The following RBMS1 variants were observed in gnomAD, a reference collection of about 807,000 sequenced individuals.
The protein encoded by RBMS1 is RNA binding motif single stranded interacting protein 1.
Under a neutral mutation model 62.3 loss-of-function variants are expected in RBMS1, and 17 were observed. The ratio of observed to expected loss-of-function variants is 0.27; its 90% CI spans 0.19 to 0.41. The LOEUF (loss-of-function observed/expected upper bound fraction) is 0.41, where lower values mean the gene tolerates loss of function less well. Among genes scored for constraint, RBMS1 ranks in the 10% least tolerant of loss-of-function variants. RBMS1 has a pLI of 1.00. For missense variants in RBMS1, 334 were observed against 504.5 expected (o/e 0.66, Z 3.24); for synonymous variants, 172 against 170.0 (o/e 1.01, Z -0.09).
intron 2 of RBMS1, among the ~76,000 whole-genome samples, chr2:160,356,663 A>C (rs1423465827): frequency 6.6e-6 from 1 of 152,158 alleles, no homozygotes; most frequent in Non-Finnish European, 1.5e-5. Context: ...ATGAAGCAGC[A>C]AGAAGGCCCT....
chr2:160,474,963 TG>T (rs1238006630), intron 1 of RBMS1, among the ~76,000 whole-genome samples: 1 of 152,228 alleles, frequency 6.6e-6, no homozygotes, highest in Non-Finnish European at 1.5e-5. Flanking sequence ...TTCAAGTGAT[TG>T]TTTTTTTCAG....
In RBMS1 at chr2:160,452,759, C is replaced by G. The variant is rs548711269; in HGVS notation, c.75+40530G>C. ...CTGGAGGGTATAGCAGAGAACAAGA[C>G]AGACGTACTACCTGCTCTCACAGGG... is the stretch of plus-strand genomic sequence containing the variant. On this transcript the variant is annotated intron_variant, in intron 1 of 13. Transcript: ENST00000348849. 2.6e-4 allele frequency among the ~76,000 whole-genome samples: 39 copies of G among 152,300 alleles called. No individual in the cohort carries two copies. In the Middle Eastern group the frequency reaches 0.01, roughly 40 times the overall value.
At chr2:160,411,601 G>C (rs534414228) in intron 1 of RBMS1, among the ~76,000 whole-genome samples, 1 of 152,182 alleles carries the variant, frequency 6.6e-6, no homozygotes, top group Admixed American at 6.5e-5. Context: ...GCAGATCTGG[G>C]TCCATATTTC....
chr2:160,486,262 A>C (rs1456417298), intron 1 of RBMS1, among the ~76,000 whole-genome samples: 1 of 152,134 alleles, frequency 6.6e-6, no homozygotes, highest in Non-Finnish European at 1.5e-5. Flanking sequence ...CTGTTTTCGC[A>C]ATTTGATTCC....
chr2:160,350,730 C>T (rs1247501970), intron 2 of RBMS1, among the ~76,000 whole-genome samples: 1 of 152,124 alleles, frequency 6.6e-6, no homozygotes, highest in Non-Finnish European at 1.5e-5. Context: ...ATATGTGCCA[C>T]ATTTTCTTAA....
At chr2:160,293,548 C>G (rs1688784767) in intron 6 of RBMS1, among the ~76,000 whole-genome samples, 1 of 152,232 alleles carries the variant, frequency 6.6e-6, no homozygotes, top group Admixed American at 6.5e-5. Flanking sequence ...CAGGCATTCC[C>G]TGCCCTTAGC....
At chr2:160,414,828 C>A (rs1574029764) in intron 1 of RBMS1, among the ~76,000 whole-genome samples, 2 of 141,818 alleles carry the variant, frequency 1.4e-5, no homozygotes, top group African/African-American at 2.7e-5. Flanking sequence ...GCCTGGGCAA[C>A]AGAGCAAGAC....
At chr2:160,343,063 C>T (rs1309459295) in intron 2 of RBMS1, among the ~76,000 whole-genome samples, 1 of 152,100 alleles carries the variant, frequency 6.6e-6, no homozygotes, top group East Asian at 1.9e-4. Context: ...AAACTGAGAT[C>T]CCAGGCAACA....
At chr2:160,326,526 C>T (rs942737090) in intron 2 of RBMS1, among the ~76,000 whole-genome samples, 6 of 151,910 alleles carry the variant, frequency 3.9e-5, no homozygotes, top group Admixed American at 1.3e-4. Flanking sequence ...CTTAAGTCTC[C>T]AAAAGTCTTG....
intron 1 of RBMS1, among the ~76,000 whole-genome samples, chr2:160,413,616 A>G (rs1341705001): frequency 6.6e-6 from 1 of 152,220 alleles, no homozygotes; most frequent in East Asian, 1.9e-4. Context: ...ACACAGCCAT[A>G]TTCTGATGAG....
At chr2:160,372,515 T>C (rs1470467752) in intron 1 of RBMS1, among the ~76,000 whole-genome samples, 1 of 152,208 alleles carries the variant, frequency 6.6e-6, no homozygotes, top group Non-Finnish European at 1.5e-5. Context: ...AGATCAAGCC[T>C]GAAATGAACT....
intron 1 of RBMS1, among the ~76,000 whole-genome samples, chr2:160,482,153 TAAC>T (rs1030251847): frequency 1.3e-5 from 2 of 151,984 alleles, no homozygotes; most frequent in African/African-American, 4.8e-5. Context: ...ACTGCACACA[TAAC>T]AACATCAATG....
chr2:160,274,208 T>C lies in RBMS1; in HGVS notation c.*564A>G, dbSNP rs1423488761. 1.3e-5 allele frequency: 2 copies of C among 152,516 alleles called. No individual in the cohort carries two copies. Among genetic ancestry groups the C allele is most frequent in the African/African-American group, 4.8e-5 (2 of 41,398 alleles). 9.4% of individuals were successfully genotyped at this position (152,516 alleles called of 1,614,324 possible). The stretch of plus-strand genomic sequence containing the variant: ...AAAGGATAAGACACTTCACACTACG[T>C]TGAAAGAAAGACAGAAAGCTAAGAA... On this transcript the variant is annotated 3_prime_UTR_variant, in exon 14 of 14. Transcript: ENST00000348849.
At chr2:160,388,571 C>G (rs951691678) in intron 1 of RBMS1, among the ~76,000 whole-genome samples, 3 of 152,120 alleles carry the variant, frequency 2.0e-5, no homozygotes, top group Admixed American at 1.3e-4. Flanking sequence ...CAAAGCAGCC[C>G]CATCTTGTCC....
intron 2 of RBMS1, among the ~76,000 whole-genome samples, chr2:160,364,887 T>A (rs1693315898): frequency 6.6e-6 from 1 of 152,174 alleles, no homozygotes; most frequent in Admixed American, 6.5e-5. Context: ...CCTCACCAGG[T>A]CAATTTGTAA....
chr2:160,472,864 T>C (rs1574102712), intron 1 of RBMS1, among the ~76,000 whole-genome samples: 2 of 152,228 alleles, frequency 1.3e-5, no homozygotes, highest in Admixed American at 1.3e-4. Context: ...CGTACTCAGA[T>C]AGAATTACAA....
intron 1 of RBMS1, chr2:160,408,406 T>C (rs1695885432): frequency 6.6e-6 from 1 of 152,114 alleles, no homozygotes. Context: ...CATCCCCCGA[T>C]TCACACGCTA....
intron 1 of RBMS1, among the ~76,000 whole-genome samples, chr2:160,489,642 C>T (rs1293125929): frequency 6.6e-6 from 1 of 151,952 alleles, no homozygotes; most frequent in Non-Finnish European, 1.5e-5. Context: ...AAGCTAGGTT[C>T]AGATATATTC....
chr2:160,437,825 A>G (rs1427369592), intron 1 of RBMS1, among the ~76,000 whole-genome samples: 2 of 152,212 alleles, frequency 1.3e-5, no homozygotes, highest in South Asian at 2.1e-4. Flanking sequence ...TATATGTCAC[A>G]GTTTTTCTAA....
Sources: allele counts gnomAD v4.1 joint callset (sites outside exome capture counted in the v4.1 genomes callset), GRCh38; gene constraint gnomAD v4.1.1; transcripts MANE v1.5; gene names NCBI Gene and HGNC (gene_info 2026-07-23, HGNC 2026-07-21).